The following WDR62 variants were observed in gnomAD, a reference collection of about 807,000 sequenced individuals.
WDR62 encodes the protein WD repeat domain 62.
A neutral mutation model predicts 160.6 loss-of-function variants in WDR62; 112 were observed. The observed-to-expected ratio is 0.70, with a 90% CI of 0.60 to 0.82. The LOEUF is 0.82. WDR62 is among the 40% of genes least tolerant of loss of function. WDR62 has a pLI of 0.00. For synonymous variants in WDR62, 792 were observed against 815.1 expected, an observed-to-expected ratio of 0.97 and a Z score of 0.48; for missense variants, 1,819 against 1,983.8, an observed-to-expected ratio of 0.92 and a Z score of 1.58.
downstream of WDR62, among the ~76,000 whole-genome samples, chr19:36,106,679 G>T (rs952577484): frequency 1.3e-5 from 2 of 152,226 alleles, no homozygotes; most frequent in Non-Finnish European, 2.9e-5. Context: ...AGCAAGAGGA[G>T]CGAAGCCCGG....
chr19:36,105,035 A>C lies in WDR62; in HGVS notation c.*7A>C. On this transcript the variant is annotated 3_prime_UTR_variant, in exon 32 of 32. Transcript: ENST00000401500. ...GAAGGCACGGGGGCACTGAGGGCGC[A>C]GCCCCTCCACCGCAGCCCTGCTGCT... is the stretch of plus-strand genomic sequence containing the variant. 1 of 1,591,238 alleles carries C rather than the reference A, an allele frequency of 6.3e-7. No individual in the cohort carries two copies. Among genetic ancestry groups the C allele is most frequent in the Non-Finnish European group, 8.5e-7 (1 of 1,176,192 alleles).
the WDR62 span, among the ~76,000 whole-genome samples, chr19:36,110,200 G>T: frequency 6.6e-6 from 1 of 152,022 alleles, no homozygotes; most frequent in African/African-American, 2.4e-5. Flanking sequence ...GCCAGGTGCG[G>T]TGGCTCATGC....
At chr19:36,077,593 T>C (rs903683319) in intron 9 of WDR62, among the ~76,000 whole-genome samples, 1 of 149,978 alleles carries the variant, frequency 6.7e-6, no homozygotes, top group Non-Finnish European at 1.5e-5. Flanking sequence ...TCCTTTCTTT[T>C]CCTCTTTCTT....
chr19:36,086,292 C>G (rs1388166849), intron 12 of WDR62, among the ~76,000 whole-genome samples: 1 of 151,954 alleles, frequency 6.6e-6, no homozygotes, highest in African/African-American at 2.4e-5. Flanking sequence ...TGAACAAGGC[C>G]CAGGTAGCCA....
At position 36,083,115 on chromosome 19, in the gene WDR62, T is replaced by C; in HGVS notation, c.1424T>C (p.Met475Thr). The C allele has an allele frequency of 3.1e-6, 5 of 1,613,732 alleles. No individual in the cohort carries two copies. The highest frequency in any genetic ancestry group is 4.2e-6 in the Non-Finnish European group (5 of 1,179,842). ...VENDIQHLQD[M>T]SHFPDRGSEN... ...AATGACATCCAGCACCTGCAGGACA[T>C]GTCACACTTCCCAGACCGGGGGAGC... Residue 475 changes from methionine (M) to threonine (T), a missense_variant, in exon 11 of 32, where the codon ATG (methionine) becomes ACG (threonine). Physicochemically the swap from Met to Thr is moderately conservative, Grantham distance 81. This residue lies in a region of WDR62 where 934 missense variants were observed against 1,157.2 expected (regional missense o/e 0.81). Transcript: ENST00000401500.
intron 1 of WDR62, among the ~76,000 whole-genome samples, chr19:36,056,962 C>T (rs1161400856): frequency 6.6e-6 from 1 of 152,060 alleles, no homozygotes; most frequent in East Asian, 1.9e-4. Flanking sequence ...CAGGCGCATG[C>T]CACCATACCT....
chr19:36,101,359 T>A, intron 24 of WDR62, 42 bp downstream of exon 24: 1 of 1,542,428 alleles, frequency 6.5e-7, no homozygotes, highest in Non-Finnish European at 8.9e-7. Context: ...AGTCTGTGCG[T>A]TCAGCCAAGC....
At chr19:36,097,404 G>A (rs999010069) in intron 21 of WDR62, among the ~76,000 whole-genome samples, 6 of 152,186 alleles carry the variant, frequency 3.9e-5, no homozygotes, top group Non-Finnish European at 2.9e-5. Context: ...GCTGTGGAGG[G>A]AAAAGAATCA....
At chr19:36,060,161 C>T (rs540530307) in intron 3 of WDR62, 131 bp downstream of exon 3, 924 of 951,852 alleles carry the variant, frequency 9.7e-4, no homozygotes, top group Non-Finnish European at 1.4e-3. Flanking sequence ...CAGCAGCATT[C>T]GCCTGTGCTG....
chr19:36,093,211 C>T (rs1396007298), intron 19 of WDR62, among the ~76,000 whole-genome samples: 1 of 151,904 alleles, frequency 6.6e-6, no homozygotes, highest in Non-Finnish European at 1.5e-5. Context: ...ATGCCCCAAG[C>T]GGCTGTGGGA....
chr19:36,104,892 C>T lies in WDR62; in HGVS notation c.4436C>T (p.Ala1479Val), dbSNP rs749586050. The T allele has an allele frequency of 6.2e-7, 1 of 1,611,792 alleles. No individual in the cohort carries two copies. Among genetic ancestry groups the T allele is most frequent in the Non-Finnish European group, 8.5e-7 (1 of 1,179,830 alleles). Residue 1479 changes from alanine to valine, a missense_variant, in exon 32 of 32, where the codon GCC (alanine) becomes GTC (valine). Ala to Val is a moderately conservative substitution (Grantham distance 64, BLOSUM62 0). This residue lies in a region of WDR62 where 770 missense variants were observed against 734.2 expected (regional missense o/e 1.05). Transcript: ENST00000401500. Reference protein sequence around the residue: ...ECLVGTSVAPAQALPSPGPPS... With the variant: ...ECLVGTSVAPVQALPSPGPPS... The stretch of plus-strand genomic sequence containing the variant: ...CTGGTGGGGACTAGTGTGGCCCCAG[C>T]CCAGGCTCTGCCCAGCCCAGGACCC...
downstream of WDR62, among the ~76,000 whole-genome samples, chr19:36,109,464 T>C (rs562947442): frequency 2.6e-5 from 4 of 152,352 alleles, no homozygotes; most frequent in South Asian, 4.1e-4. Context: ...CCAGGCGCAA[T>C]GGCTCACGCC....
At chr19:36,101,987 CTT>C (rs1568368776) in intron 25 of WDR62, 25 bp from the exon 26 acceptor site, 2 of 1,614,004 alleles carry the variant, frequency 1.2e-6, no homozygotes, top group South Asian at 1.1e-5. Context: ...GTTGGCTCCT[CTT>C]GTCCCTCCCC....
At chr19:36,107,363 GCT>G (rs1973734947), downstream of WDR62, among the ~76,000 whole-genome samples, 1 of 152,204 alleles carries the variant, frequency 6.6e-6, no homozygotes, top group African/African-American at 2.4e-5. Flanking sequence ...GGAGCTAGAA[GCT>G]GCCCCGATAG....
chr19:36,067,507 T>G lies in WDR62; in HGVS notation c.699+64T>G, dbSNP rs1971005122. On this transcript the variant is annotated intron_variant, in intron 6 of 31. Transcript: ENST00000401500. ...GGAGTCACCATCGGTGGCAGCATGG[T>G]CTCCTGTTTCTCCCTGAGATTTGAG... 8.7e-6 allele frequency: 14 copies of G among 1,606,508 alleles called. No homozygotes were observed. In the East Asian group the frequency reaches 2.9e-4, roughly 33 times the overall value.
chr19:36,083,064 C>A lies in WDR62; in HGVS notation c.1373C>A (p.Thr458Asn), dbSNP rs773191811. 1 of 1,611,238 alleles carries A rather than the reference C, an allele frequency of 6.2e-7. No homozygotes were observed. The highest frequency in any genetic ancestry group is 8.5e-7 in the Non-Finnish European group (1 of 1,178,644). The stretch of plus-strand genomic sequence containing the variant: ...ACCTCAGCCCTGTCCTTCCTGCAGA[C>A]CCTGCTGAAGGTCGTGTACGTGGAG... ...SHWQKNIFSN[T>N]LLKVVYVEND... Residue 458 changes from threonine to asparagine, a missense_variant and splice_region_variant, in exon 11 of 32, where the codon ACC becomes AAC. Thr to Asn is a moderately conservative substitution (Grantham distance 65). This residue lies in a region of WDR62 where 934 missense variants were observed against 1,157.2 expected (regional missense o/e 0.81). Transcript: ENST00000401500.
At position 36,104,594 on chromosome 19, in the gene WDR62, T is replaced by C; in HGVS notation, c.4230T>C (p.Ser1410=). ...TGCCGGTTGAAGCCCTGCCCCCATC[T>C]CCCCTTGAGCTGAGCAGGGTGGGGA... The part of the protein sequence containing the change: ...PWVPVEALPP[S]PLELSRVGNI... Residue 1410 remains serine (S), a synonymous_variant, in exon 31 of 32, where the codon TCT becomes TCC. Coordinates refer to ENST00000401500, the MANE Select transcript of WDR62 (RefSeq NM_001083961.2). 6.2e-7 allele frequency: 1 copy of C among 1,613,398 alleles called. No individual in the cohort carries two copies. Among genetic ancestry groups the C allele is most frequent in the Non-Finnish European group, 8.5e-7 (1 of 1,179,890 alleles).
intron 11 of WDR62, among the ~76,000 whole-genome samples, chr19:36,084,001 C>T (rs372225016): frequency 1.5e-4 from 23 of 152,252 alleles, no homozygotes; most frequent in African/African-American, 5.3e-4. Context: ...CTTACATTGA[C>T]ATGGCACTGT....
chr19:36,075,869 T>A (rs1339473417), intron 9 of WDR62: 1 of 152,202 alleles, frequency 6.6e-6, no homozygotes, highest in Non-Finnish European at 1.5e-5. Context: ...AGATATTTGC[T>A]CTCATCTGCC....
Sources: allele counts gnomAD v4.1 joint callset (sites outside exome capture counted in the v4.1 genomes callset), GRCh38; gene constraint gnomAD v4.1.1; regional missense constraint gnomAD v4.1.1; transcripts MANE v1.5; gene names NCBI Gene and HGNC (gene_info 2026-07-23, HGNC 2026-07-21).